TMC1: variants seen among roughly 807,000 people sequenced by gnomAD.
The protein encoded by TMC1 is transmembrane channel like 1.
Under a neutral mutation model 105.8 loss-of-function variants are expected in TMC1, and 84 were observed. The observed-to-expected ratio is 0.79, with a 90% CI of 0.67 to 0.95. The LOEUF (loss-of-function observed/expected upper bound fraction) is 0.95, where lower values mean the gene tolerates loss of function less well. TMC1 is among the 40% of genes least tolerant of loss of function. The pLI is 0.00. For missense variants in TMC1, 817 were observed against 914.1 expected, an observed-to-expected ratio of 0.89 and a Z score of 1.37; for synonymous variants, 315 against 311.5, an observed-to-expected ratio of 1.01 and a Z score of -0.12.
At chr9:72,640,389 T>C (rs575281107) in intron 4 of TMC1, among the ~76,000 whole-genome samples, 6 of 152,326 alleles carry the variant, frequency 3.9e-5, no homozygotes, top group Admixed American at 3.9e-4. Flanking sequence ...ACTCATCTCT[T>C]GATTTAGGCA....
intron 5 of TMC1, among the ~76,000 whole-genome samples, chr9:72,688,184 C>T (rs541918379): frequency 5.9e-5 from 9 of 151,954 alleles, no homozygotes; most frequent in South Asian, 2.1e-4. Flanking sequence ...TAATATAATA[C>T]GTATAAAAAT....
chr9:72,536,332 G>A (rs887683246), intron 1 of TMC1, among the ~76,000 whole-genome samples: 7 of 152,148 alleles, frequency 4.6e-5, no homozygotes, highest in South Asian at 2.1e-4. Context: ...AACCCAGTGC[G>A]GCAGACATTC....
At chr9:72,651,638 A>G (rs1285361969) in intron 5 of TMC1, 1 of 152,222 alleles carries the variant, frequency 6.6e-6, no homozygotes, top group East Asian at 1.9e-4. Context: ...CATTTGATAC[A>G]TAGAAATACT....
At chr9:72,754,390 C>T (rs1316394408) in intron 11 of TMC1, among the ~76,000 whole-genome samples, 1 of 152,198 alleles carries the variant, frequency 6.6e-6, no homozygotes, top group Non-Finnish European at 1.5e-5. Context: ...CCTCCACCCT[C>T]ACTCCTAAGG....
chr9:72,768,545 A>G (rs1309595252), intron 12 of TMC1, among the ~76,000 whole-genome samples: 1 of 152,244 alleles, frequency 6.6e-6, no homozygotes, highest in Non-Finnish European at 1.5e-5. Flanking sequence ...TTGACTTCAT[A>G]TATATCAAAT....
chr9:72,835,887 C>T, intron 23 of TMC1, 64 bp from the exon 24 acceptor site: 20 of 1,563,468 alleles, frequency 1.3e-5, no homozygotes, highest in Non-Finnish European at 1.6e-5. Flanking sequence ...TTATTTGCCT[C>T]CTGTTCATCT....
At chr9:72,658,376 T>G (rs1308533478) in intron 5 of TMC1, among the ~76,000 whole-genome samples, 6 of 152,064 alleles carry the variant, frequency 3.9e-5, no homozygotes, top group Non-Finnish European at 8.8e-5. Context: ...AACTAAACAT[T>G]TAATCTCTTT....
intron 1 of TMC1, among the ~76,000 whole-genome samples, chr9:72,531,927 C>T (rs747825802): frequency 8.9e-4 from 136 of 151,996 alleles, no homozygotes; most frequent in Non-Finnish European, 1.6e-3. Flanking sequence ...AGATTTTCAT[C>T]TTTTATTTTT....
chr9:72,715,209 CA>C (rs1307561525), intron 8 of TMC1, among the ~76,000 whole-genome samples: 2 of 152,162 alleles, frequency 1.3e-5, no homozygotes, highest in Non-Finnish European at 2.9e-5. Flanking sequence ...TCTTTCATTT[CA>C]ACCTTGGTAA....
At chr9:72,806,991 C>G (rs139377404) in intron 18 of TMC1, among the ~76,000 whole-genome samples, 4 of 152,326 alleles carry the variant, frequency 2.6e-5, no homozygotes, top group East Asian at 3.9e-4. Flanking sequence ...ACTGAGTGAA[C>G]GAGACTCCGT....
intron 12 of TMC1, among the ~76,000 whole-genome samples, chr9:72,758,752 GTTTC>G (rs1050590668): frequency 2.0e-5 from 3 of 152,114 alleles, no homozygotes; most frequent in African/African-American, 7.2e-5. Flanking sequence ...TTAACCAGAC[GTTTC>G]TCAGAAGACA....
intron 10 of TMC1, among the ~76,000 whole-genome samples, chr9:72,751,432 C>T (rs758428811): frequency 2.0e-5 from 3 of 152,220 alleles, no homozygotes; most frequent in Non-Finnish European, 2.9e-5. Context: ...GAGAAAATAG[C>T]AGTAATTATA....
Position 72,745,426 on chromosome 9 carries a change from G to T in TMC1, c.535+2901G>T, listed in dbSNP as rs73647816. On this transcript the variant is annotated intron_variant, in intron 10 of 23. Coordinates refer to ENST00000297784, the MANE Select transcript of TMC1 (RefSeq NM_138691.3). ...TATGTTTTGCACCAGTTCATAAAAA[G>T]TATTCTACGAGGCCGATGGCAGGAT... Among the ~76,000 whole-genome samples, 340 of 152,206 alleles carry T rather than the reference G, an allele frequency of 2.2e-3. 3 individuals are homozygous for T. The highest frequency in any genetic ancestry group is 7.9e-3 in the African/African-American group (328 of 41,542).
At chr9:72,651,053 T>A (rs1825806956) in intron 5 of TMC1, 1 of 147,032 alleles carries the variant, frequency 6.8e-6, no homozygotes. Flanking sequence ...TATTTCATGG[T>A]GTATTTTATA....
At chr9:72,692,944 C>T (rs1014423044) in intron 6 of TMC1, among the ~76,000 whole-genome samples, 3 of 152,032 alleles carry the variant, frequency 2.0e-5, no homozygotes, top group African/African-American at 7.2e-5. Context: ...CATGGTGAAA[C>T]CCCATCTCTA....
chr9:72,786,575 A>C (rs1319207242), intron 13 of TMC1, among the ~76,000 whole-genome samples: 2 of 152,214 alleles, frequency 1.3e-5, no homozygotes, highest in Admixed American at 1.3e-4. Context: ...TTCTCAGATA[A>C]GGTGGTTGAA....
At chr9:72,612,479 A>AT (rs34440125) in intron 2 of TMC1, among the ~76,000 whole-genome samples, 46,515 of 147,074 alleles carry the variant, frequency 0.32, 7,694 homozygotes, top group African/African-American at 0.43. Flanking sequence ...CGGCCCAAAC[A>AT]TTTTTTTTTT....
chr9:72,754,660 A>C lies in TMC1; in HGVS notation c.643-126A>C. Reference sequence around the variant, plus strand: ...CGATTCCCAGAAAATGGGACCCCACATGGAGACCCAAAGAGTCCCCATAAA... The same window carrying C: ...CGATTCCCAGAAAATGGGACCCCACCTGGAGACCCAAAGAGTCCCCATAAA... On this transcript the variant is annotated intron_variant, in intron 11 of 23. Transcript: ENST00000297784. The C allele has an allele frequency of 4.0e-6, 3 of 741,532 alleles. No homozygotes were observed. The Admixed American group carries it at 6.0e-5, about 15-fold the overall frequency. 45.9% of individuals were successfully genotyped at this position (741,532 alleles called of 1,614,324 possible).
chr9:72,639,323 G>T (rs1401720228), intron 4 of TMC1, among the ~76,000 whole-genome samples: 1 of 151,938 alleles, frequency 6.6e-6, no homozygotes, highest in Admixed American at 6.6e-5. Context: ...GCTAACCATG[G>T]GCTTAAGAAA....
Sources: allele counts gnomAD v4.1 joint callset (sites outside exome capture counted in the v4.1 genomes callset), GRCh38; gene constraint gnomAD v4.1.1; transcripts MANE v1.5; gene names NCBI Gene and HGNC (gene_info 2026-07-23, HGNC 2026-07-21).